The following P2RX7 variants were observed in gnomAD, a reference collection of about 807,000 sequenced individuals.
P2RX7 encodes the protein P2X purinoceptor 7.
Under a neutral mutation model 71.6 loss-of-function variants are expected in P2RX7, and 62 were observed. The observed-to-expected ratio is 0.87, with a 90% CI of 0.71 to 1.07. The LOEUF (loss-of-function observed/expected upper bound fraction) is 1.07. Ranked by LOEUF, P2RX7 falls within the 50% of genes least tolerant of loss-of-function variation. The pLI is 0.00. For missense variants in P2RX7, 686 were observed against 748.5 expected (o/e 0.92, Z 0.97); for synonymous variants, 299 against 283.3 (o/e 1.06, Z -0.56).
At chr12:121,141,405 C>T (rs1254741208) in intron 1 of P2RX7, among the ~76,000 whole-genome samples, 1 of 152,136 alleles carries the variant, frequency 6.6e-6, no homozygotes, top group Non-Finnish European at 1.5e-5. Context: ...ATGGGTAGCA[C>T]AGTGTTGGGA....
At chr12:121,169,210 G>A (rs78386070) in intron 8 of P2RX7, among the ~76,000 whole-genome samples, 5 of 152,210 alleles carry the variant, frequency 3.3e-5, no homozygotes, top group Admixed American at 6.5e-5. Context: ...CAAGCAATCC[G>A]CCTGCCTTGG....
chr12:121,163,513 C>A (rs191937917), intron 5 of P2RX7, among the ~76,000 whole-genome samples: 2 of 151,152 alleles, frequency 1.3e-5, no homozygotes, highest in Non-Finnish European at 2.9e-5. Flanking sequence ...ACATGAAATG[C>A]GACTACTGAA....
chr12:121,185,059 T>G lies in P2RX7; in HGVS notation c.*257T>G, dbSNP rs1244234992. The G allele has an allele frequency of 8.8e-6, 3 of 342,128 alleles. No homozygotes were observed. Among genetic ancestry groups the G allele is most frequent in the Admixed American group, 4.7e-5 (1 of 21,448 alleles). The allele number at this position is 342,128 out of a possible 1,614,324, so 21.2% of individuals were successfully genotyped here. A position where few individuals can be genotyped will look rare whatever the true frequency, so the allele number is the denominator to read the frequency against. ...CAGATTGTGCCACTGCTCTCCAGCC[T>G]GGGAGGCACAGCAAACTGTCCCCCA... is the stretch of plus-strand genomic sequence containing the variant. On this transcript the variant is annotated 3_prime_UTR_variant, in exon 13 of 13. Transcript: ENST00000328963.
intron 3 of P2RX7, among the ~76,000 whole-genome samples, chr12:121,160,427 G>A (rs548512883): frequency 2.0e-5 from 3 of 152,256 alleles, no homozygotes; most frequent in East Asian, 3.9e-4. Context: ...GATTACAGGC[G>A]TGATAAGCCA....
intron 1 of P2RX7, among the ~76,000 whole-genome samples, chr12:121,151,758 A>G (rs1877456744): frequency 6.6e-6 from 1 of 151,922 alleles, no homozygotes; most frequent in Admixed American, 6.6e-5. Context: ...AGGACACTCC[A>G]TGCCCCCCAG....
In P2RX7 at chr12:121,166,075, G is replaced by C; in HGVS notation, c.632G>C (p.Gly211Ala). ...ATGCACAGGAGAAACATCCTGCCAG[G>C]TTTAAACATCACTTGTACCTTCCAC... ...HNYTTRNILP[G>A]LNITCTFHKT... Residue 211 changes from glycine to alanine, a missense_variant, in exon 7 of 13, where the codon GGT (glycine) becomes GCT (alanine). Coordinates refer to ENST00000328963, the MANE Select transcript of P2RX7 (RefSeq NM_002562.6). 1 of 1,613,436 alleles carries C rather than the reference G, an allele frequency of 6.2e-7. No individual in the cohort carries two copies. The highest frequency in any genetic ancestry group is 8.5e-7 in the Non-Finnish European group (1 of 1,179,422).
intron 1 of P2RX7, among the ~76,000 whole-genome samples, chr12:121,148,078 C>A (rs1876589676): frequency 6.6e-6 from 1 of 152,098 alleles, no homozygotes; most frequent in Non-Finnish European, 1.5e-5. Flanking sequence ...AAACAGCTTG[C>A]AGCCACGTTT....
rs757287623 is a variant in P2RX7, at chr12:121,184,354, A to G, written c.1340A>G (p.His447Arg). The stretch of plus-strand genomic sequence containing the variant: ...TTGTCCAGGCTGCCCCTGGCCCTCC[A>G]TGACACACCCCCGATTCCTGGACAA... ...TDLSRLPLAL[H>R]DTPPIPGQPE... The change falls in exon 13 of 13, where the codon CAT becomes CGT. Residue 447 changes from histidine (H) to arginine (R), a missense_variant. By Grantham distance (29) the His-to-Arg change is conservative. Transcript: ENST00000328963. The G allele has an allele frequency of 1.9e-6, 3 of 1,614,028 alleles. No homozygotes were observed. Among genetic ancestry groups the G allele is most frequent in the Non-Finnish European group, 1.7e-6 (2 of 1,179,986 alleles).
At chr12:121,163,030 G>T (rs1331564586) in intron 5 of P2RX7, among the ~76,000 whole-genome samples, 2 of 152,138 alleles carry the variant, frequency 1.3e-5, no homozygotes, top group Non-Finnish European at 2.9e-5. Flanking sequence ...TACAGATTTG[G>T]TGGTCCCTTG....
chr12:121,164,974 C>T (rs1488256489), intron 5 of P2RX7, among the ~76,000 whole-genome samples: 3 of 151,898 alleles, frequency 2.0e-5, no homozygotes, highest in African/African-American at 4.8e-5. Flanking sequence ...GGGGATGTGC[C>T]GCACACTTTT....
Position 121,177,386 on chromosome 12 carries a change from C to T in P2RX7, c.1128C>T (p.Pro376=). ...ATCCCTGGTGCAAGTGCTGTCAGCC[C>T]TGTGTGGTCAACGAATACTACTACA... The part of the protein sequence containing the change: ...HIYPWCKCCQ[P]CVVNEYYYRK... Residue 376 remains proline (P), a synonymous_variant, in exon 11 of 13, where the codon CCC becomes CCT. Coordinates refer to ENST00000328963, the MANE Select transcript of P2RX7 (RefSeq NM_002562.6). 2.5e-6 allele frequency: 4 copies of T among 1,613,970 alleles called. No homozygotes were observed. Among genetic ancestry groups the T allele is most frequent in the Non-Finnish European group, 2.5e-6 (3 of 1,180,022 alleles).
At chr12:121,136,988 A>C (rs948017549) in intron 1 of P2RX7, among the ~76,000 whole-genome samples, 2 of 152,186 alleles carry the variant, frequency 1.3e-5, no homozygotes, top group Non-Finnish European at 2.9e-5. Context: ...TAAAATTTCT[A>C]AAAACAGATT....
At chr12:121,151,466 G>A (rs1877390237) in intron 1 of P2RX7, among the ~76,000 whole-genome samples, 1 of 152,012 alleles carries the variant, frequency 6.6e-6, no homozygotes, top group Admixed American at 6.6e-5. Flanking sequence ...GACCTCAGAT[G>A]ATCCACCTGC....
At chr12:121,138,622 G>T (rs1405440711) in intron 1 of P2RX7, among the ~76,000 whole-genome samples, 1 of 152,258 alleles carries the variant, frequency 6.6e-6, no homozygotes, top group Non-Finnish European at 1.5e-5. Context: ...GAAGTGGGGA[G>T]GGTAGGCAGA....
At position 121,162,637 on chromosome 12, in the gene P2RX7, G is replaced by A. The variant is rs537596929; in HGVS notation, c.533+117G>A. On this transcript the variant is annotated intron_variant, in intron 5 of 12. Coordinates refer to ENST00000328963, the MANE Select transcript of P2RX7 (RefSeq NM_002562.6). ...GCCCTGCAAAGTCCTGGGTCCTACC[G>A]GCTTGGGGACCCCTGCGCTCTGGAT... 25 of 1,253,592 alleles carry A rather than the reference G, an allele frequency of 2.0e-5. No individual in the cohort carries two copies. The East Asian group carries it at 3.4e-4, about 17-fold the overall frequency. The allele number at this position is 1,253,592 out of a possible 1,614,324, so 77.7% of individuals were successfully genotyped here.
Position 121,175,453 on chromosome 12 carries a change from G to A in P2RX7, c.947G>A (p.Arg316His), listed in dbSNP as rs201914930. 7 of 1,545,740 alleles carry A rather than the reference G, an allele frequency of 4.5e-6. No individual in the cohort carries two copies. Among genetic ancestry groups the A allele is most frequent in the South Asian group, 2.2e-5 (2 of 89,726 alleles). ...ACTCTGATAAAAGTCTTCGGGATCC[G>A]TTTTGACATCCTGGTTTTTGGCACC... is the stretch of plus-strand genomic sequence containing the variant. ...KRTLIKVFGIRFDILVFGTGG... is the reference protein window; with the variant it reads ...KRTLIKVFGIHFDILVFGTGG... The change falls in exon 9 of 13, where the codon CGT becomes CAT. Residue 316 changes from arginine to histidine, a missense_variant. Coordinates refer to ENST00000328963, the MANE Select transcript of P2RX7 (RefSeq NM_002562.6).
At chr12:121,145,668 G>A (rs901928388) in intron 1 of P2RX7, among the ~76,000 whole-genome samples, 8 of 151,962 alleles carry the variant, frequency 5.3e-5, no homozygotes, top group East Asian at 1.9e-4. Flanking sequence ...CACCACACCC[G>A]CCTAATTTTT....
intron 8 of P2RX7, 131 bp downstream of exon 8, chr12:121,167,755 T>G: frequency 1.5e-6 from 1 of 679,578 alleles, no homozygotes; most frequent in South Asian, 3.5e-5. Context: ...AGGTGATAAC[T>G]GAATTTTTTC....
Position 121,162,422 on chromosome 12 carries a change from A to G in P2RX7, c.437-2A>G, listed in dbSNP as rs758669193. The G allele has an allele frequency of 6.2e-7, 1 of 1,613,840 alleles. No homozygotes were observed. Among genetic ancestry groups the G allele is most frequent in the East Asian group, 2.2e-5 (1 of 44,858 alleles). On this transcript the variant is annotated splice_acceptor_variant, in intron 4 of 12. Transcript: ENST00000328963. LOFTEE classifies it high-confidence loss of function. Reference sequence around the variant, plus strand: ...GGTTCTACGATGCTTTGACCCCTATAGGAATTCAGACCGGAAGGTGTGTAG... The same window carrying G: ...GGTTCTACGATGCTTTGACCCCTATGGGAATTCAGACCGGAAGGTGTGTAG...
Sources: gnomAD v4.1 joint callset for allele counts (sites outside exome capture counted in the v4.1 genomes callset) on GRCh38, gnomAD v4.1.1 for gene constraint, MANE v1.5 for transcripts, NCBI Gene and HGNC (gene_info 2026-07-23, HGNC 2026-07-21) for gene names.